Variants in HACE1 observed in about 807,000 individuals in gnomAD.
The protein encoded by HACE1 is E3 ubiquitin-protein ligase HACE1.
In HACE1, 73 loss-of-function variants were observed where a neutral mutation model predicts 118.4. The observed-to-expected ratio is 0.62, with a 90% confidence interval of 0.51 to 0.75. The LOEUF is 0.75. Among genes scored for constraint, HACE1 ranks in the 30% least tolerant of loss-of-function variants. HACE1 has a pLI of 0.00. For synonymous variants in HACE1, 368 were observed against 374.8 expected, an observed-to-expected ratio of 0.98 and a Z score of 0.21; for missense variants, 749 against 1,102.2, an observed-to-expected ratio of 0.68 and a Z score of 4.54.
intron 6 of HACE1, among the ~76,000 whole-genome samples, chr6:104,818,286 AT>A (rs1375587061): frequency 1.3e-5 from 2 of 152,142 alleles, no homozygotes; most frequent in Admixed American, 6.6e-5. Flanking sequence ...CCTTCTAATC[AT>A]GGCTTTCCTC....
At chr6:104,794,204 G>A (rs960422414) in intron 10 of HACE1, among the ~76,000 whole-genome samples, 17 of 152,004 alleles carry the variant, frequency 1.1e-4, no homozygotes, top group Admixed American at 1.1e-3. Flanking sequence ...TAATATATTC[G>A]AATGCTCCTT....
In HACE1 at chr6:104,836,956, C is replaced by T. The variant is rs181155384; in HGVS notation, c.403-3783G>A. ...ATGCTTACCAAAACATGCACAAAAT[C>T]CCCACTGTGCTGTACAAAATTCTAA... On this transcript the variant is annotated intron_variant, in intron 5 of 23. Coordinates refer to ENST00000262903, the MANE Select transcript of HACE1 (RefSeq NM_020771.4). Among the ~76,000 whole-genome samples the T allele has an allele frequency of 1.0e-3, 153 of 152,218 alleles. 2 individuals carry two copies. Among genetic ancestry groups the T allele is most frequent in the African/African-American group, 3.6e-3 (149 of 41,544 alleles).
chr6:104,811,024 T>C (rs1390131804), intron 7 of HACE1, among the ~76,000 whole-genome samples: 2 of 151,808 alleles, frequency 1.3e-5, no homozygotes, highest in Non-Finnish European at 2.9e-5. Flanking sequence ...GCTCCACATG[T>C]AACATAAAAG....
chr6:104,764,498 G>A (rs1453561992), intron 19 of HACE1, among the ~76,000 whole-genome samples: 2 of 152,150 alleles, frequency 1.3e-5, no homozygotes, highest in Admixed American at 6.5e-5. Flanking sequence ...AGGGTTATCT[G>A]CCTCATTAAC....
chr6:104,836,178 A>G (rs1226079218), intron 5 of HACE1, among the ~76,000 whole-genome samples: 5 of 152,208 alleles, frequency 3.3e-5, no homozygotes, highest in Non-Finnish European at 7.3e-5. Flanking sequence ...GAGACATTCC[A>G]AACAACTGTG....
intron 6 of HACE1, among the ~76,000 whole-genome samples, chr6:104,823,060 GA>G (rs1476460970): frequency 6.6e-5 from 10 of 152,152 alleles, no homozygotes; most frequent in Non-Finnish European, 1.5e-4. Flanking sequence ...TTTGGTTGGT[GA>G]AAAAGTAATT....
chr6:104,741,684 T>G (rs1020714740), intron 22 of HACE1, among the ~76,000 whole-genome samples: 2 of 147,832 alleles, frequency 1.4e-5, no homozygotes, highest in Admixed American at 1.4e-4. Flanking sequence ...TGGAAGAACA[T>G]TCCATGCTCA....
At chr6:104,816,528 C>A (rs1772133879) in intron 6 of HACE1, among the ~76,000 whole-genome samples, 1 of 152,210 alleles carries the variant, frequency 6.6e-6, no homozygotes, top group Admixed American at 6.5e-5. Flanking sequence ...GGTTTTGAAA[C>A]CTCTGCCTAG....
intron 6 of HACE1, among the ~76,000 whole-genome samples, chr6:104,818,558 C>T (rs1395133136): frequency 1.3e-5 from 2 of 151,936 alleles, no homozygotes; most frequent in Non-Finnish European, 2.9e-5. Context: ...ATCCTGACAC[C>T]AAAACCTGGC....
chr6:104,832,997 A>G (rs1381072218), intron 6 of HACE1, 45 bp downstream of exon 6: 16 of 1,573,030 alleles, frequency 1.0e-5, no homozygotes, highest in Non-Finnish European at 1.2e-5. Context: ...AATCAATTTT[A>G]AAAAACAAAC....
At chr6:104,816,415 G>A (rs1330952001) in intron 6 of HACE1, among the ~76,000 whole-genome samples, 2 of 152,236 alleles carry the variant, frequency 1.3e-5, no homozygotes, top group Non-Finnish European at 2.9e-5. Context: ...TGGCTAAAAG[G>A]GGCAAAGGTA....
intron 11 of HACE1, among the ~76,000 whole-genome samples, chr6:104,790,653 T>C (rs775488985): frequency 2.0e-5 from 3 of 151,678 alleles, no homozygotes; most frequent in South Asian, 2.1e-4. Context: ...ACTGGGGAGG[T>C]TGAGGTGGGA....
chr6:104,859,730 C>T lies in HACE1; in HGVS notation c.-88G>A. On this transcript the variant is annotated 5_prime_UTR_variant, in exon 1 of 24. Coordinates refer to ENST00000262903, the MANE Select transcript of HACE1 (RefSeq NM_020771.4). The stretch of plus-strand genomic sequence containing the variant: ...AGCCCTACATCTCGCCTGGGCCCGT[C>T]CAGCAGGCGGAGACGCGGGCTTGCC... The T allele has an allele frequency of 8.2e-7, 1 of 1,226,296 alleles. No individual in the cohort carries two copies. The highest frequency in any genetic ancestry group is 2.2e-5 in the Admixed American group (1 of 46,316). The allele number at this position is 1,226,296 out of a possible 1,614,324, so 76.0% of individuals were successfully genotyped here. A position where few individuals can be genotyped will look rare whatever the true frequency, so the allele number is the denominator to read the frequency against.
intron 7 of HACE1, among the ~76,000 whole-genome samples, chr6:104,802,234 A>G (rs1242602973): frequency 6.6e-6 from 1 of 152,162 alleles, no homozygotes; most frequent in African/African-American, 2.4e-5. Context: ...TTAGAGACAT[A>G]CAAAGAGACT....
chr6:104,744,502 G>T lies in HACE1; in HGVS notation c.2442+10C>A. 2.1e-6 allele frequency: 3 copies of T among 1,444,980 alleles called. No homozygotes were observed. The highest frequency in any genetic ancestry group is 2.9e-6 in the Non-Finnish European group (3 of 1,025,876). 89.5% of individuals were successfully genotyped at this position (1,444,980 alleles called of 1,614,324 possible). ...ACTTAACTTCATTCTAAGCTCTAGA[G>T]AAATTTTACCTGAATAACTGGATCT... On this transcript the variant is annotated intron_variant, in intron 21 of 23. Coordinates refer to ENST00000262903, the MANE Select transcript of HACE1 (RefSeq NM_020771.4).
In HACE1 at chr6:104,859,565, A is replaced by C; in HGVS notation, c.76+2T>G. 1 of 1,518,462 alleles carries C rather than the reference A, an allele frequency of 6.6e-7. No homozygotes were observed. Among genetic ancestry groups the C allele is most frequent in the Non-Finnish European group, 8.8e-7 (1 of 1,138,764 alleles). 94.1% of individuals were successfully genotyped at this position (1,518,462 alleles called of 1,614,324 possible). ...CCAGCCTGGCCCCGCGACCCGGCTC[A>C]CCCTCGGGCAACTCCACGGTGCGCG... On this transcript the variant is annotated splice_donor_variant, in intron 1 of 23. Coordinates refer to ENST00000262903, the MANE Select transcript of HACE1 (RefSeq NM_020771.4). LOFTEE classifies it high-confidence loss of function.
rs1774933478 is a variant in HACE1 at position 104,729,071 on chromosome 6, T to C, written c.*591A>G. On this transcript the variant is annotated 3_prime_UTR_variant, in exon 24 of 24. Transcript: ENST00000262903. ...AGCGTAAGCTTTCATATATAAATTA[T>C]ATGTCATTTCATCAACTGTTAGTAT... 6.5e-6 allele frequency: 1 copy of C among 152,688 alleles called. No homozygotes were observed. Among genetic ancestry groups the C allele is most frequent in the African/African-American group, 2.4e-5 (1 of 41,462 alleles). The allele number at this position is 152,688 out of a possible 1,614,324, so 9.5% of individuals were successfully genotyped here. A position where few individuals can be genotyped will look rare whatever the true frequency, so the allele number is the denominator to read the frequency against.
intron 5 of HACE1, 75 bp downstream of exon 5, chr6:104,843,148 T>C: frequency 3.6e-6 from 3 of 825,760 alleles, no homozygotes; most frequent in Non-Finnish European, 6.4e-6. Flanking sequence ...GTACTACACT[T>C]TGCCTAACTG....
chr6:104,856,771 A>G (rs1386893770), intron 1 of HACE1, among the ~76,000 whole-genome samples: 4 of 151,984 alleles, frequency 2.6e-5, no homozygotes, highest in Non-Finnish European at 5.9e-5. Flanking sequence ...CCATATCCCT[A>G]AAGTAATTTC....
Sources: allele counts gnomAD v4.1 joint callset (sites outside exome capture counted in the v4.1 genomes callset), GRCh38; gene constraint gnomAD v4.1.1; transcripts MANE v1.5; gene names NCBI Gene and HGNC (gene_info 2026-07-23, HGNC 2026-07-21).